Variants in ABCB8 observed in about 807,000 individuals in gnomAD.
ABCB8 encodes ATP binding cassette subfamily B member 8.
A neutral mutation model predicts 73.0 loss-of-function variants in ABCB8; 52 were observed. The observed-to-expected ratio is 0.71, with a 90% CI of 0.57 to 0.90. The LOEUF is 0.90. Ranked by LOEUF, ABCB8 falls within the 40% of genes least tolerant of loss-of-function variation. The probability of loss-of-function intolerance (pLI) is 0.00; values close to 1 mark genes in which losing one functional copy is unlikely to be tolerated. For synonymous variants in ABCB8, 428 were observed against 423.5 expected, an observed-to-expected ratio of 1.01 and a Z score of -0.13; for missense variants, 909 against 974.6, an observed-to-expected ratio of 0.93 and a Z score of 0.90.
At chr7:151,030,939 TGAAAAGAAAA>T (rs144027118) in intron 1 of ABCB8, among the ~76,000 whole-genome samples, 1 of 152,048 alleles carries the variant, frequency 6.6e-6, no homozygotes, top group African/African-American at 2.4e-5. Flanking sequence ...GACCCTGTCT[TGAAAAGAAAA>T]GAAAAGAATC....
chr7:151,036,646 A>C lies in ABCB8; in HGVS notation c.1214A>C (p.Gln405Pro). The C allele has an allele frequency of 6.2e-7, 1 of 1,605,900 alleles. No individual in the cohort carries two copies. The highest frequency in any genetic ancestry group is 1.1e-5 in the South Asian group (1 of 90,054). ...MSFLVASQTV[Q>P]RSMANLSVLF... is the part of the protein sequence containing the mutation. The stretch of plus-strand genomic sequence containing the variant: ...TTCCTGGTGGCCTCCCAGACAGTGC[A>C]AAGGTAAGTGGGGGCCGTTCCCATT... The change falls in exon 9 of 16, where the codon CAA becomes CCA. Residue 405 changes from glutamine (Q) to proline (P), a missense_variant. By Grantham distance (76) the Gln-to-Pro change is moderately conservative. Coordinates refer to ENST00000358849, the MANE Select transcript of ABCB8 (RefSeq NM_007188.5).
intron 5 of ABCB8, among the ~76,000 whole-genome samples, 168 bp from the exon 6 acceptor site, chr7:151,035,413 G>A (rs770216137): frequency 6.6e-6 from 1 of 152,206 alleles, no homozygotes; most frequent in Admixed American, 6.5e-5. Flanking sequence ...CCAACTGGCC[G>A]AGTTAGGGTT....
rs374301133 is a variant in ABCB8, at chr7:151,035,636, C to T, written c.821C>T (p.Ser274Leu). The T allele has an allele frequency of 8.1e-6, 13 of 1,610,658 alleles. No individual in the cohort carries two copies. Among genetic ancestry groups the T allele is most frequent in the South Asian group, 3.3e-5 (3 of 91,040 alleles). ...TGCCTGGTGTCCCTGTCCATGCTGT[C>T]GACACGCCTCACGCTGCTGCTGATG... ...AGCLVSLSMLSTRLTLLLMVA... is the reference protein window; with the variant it reads ...AGCLVSLSMLLTRLTLLLMVA... Residue 274 changes from serine to leucine, a missense_variant, in exon 6 of 16, where the codon TCG becomes TTG. Transcript: ENST00000358849.
In ABCB8 at chr7:151,031,403, GC is replaced by G. The variant is rs2117201735; in HGVS notation, c.96-2200del. 5 of 1,391,624 alleles carry G rather than the reference GC, an allele frequency of 3.6e-6. No individual in the cohort carries two copies. In the East Asian group the frequency reaches 1.3e-4, roughly 35 times the overall value. The allele number at this position is 1,391,624 out of a possible 1,614,324, so 86.2% of individuals were successfully genotyped here. ...GGCCTCATGTAGGCAAAAGGCACAG[GC>G]CTTCCTGAAAGCAGGGGAAGGATGA... On this transcript the variant is annotated intron_variant, in intron 1 of 15. Transcript: ENST00000358849.
intron 1 of ABCB8, 116 bp downstream of exon 1, chr7:151,028,726 A>T: frequency 6.5e-7 from 1 of 1,542,360 alleles, no homozygotes; most frequent in South Asian, 1.2e-5. Flanking sequence ...GCTGTAGGCC[A>T]GGCCTACCGG....
chr7:151,040,190 G>A (rs970750106), intron 9 of ABCB8, 78 bp from the exon 10 acceptor site: 19 of 1,539,214 alleles, frequency 1.2e-5, no homozygotes, highest in African/African-American at 7.0e-5. Flanking sequence ...TTGCTCCCCC[G>A]CCCCACCGTG....
At chr7:151,043,849 G>A (rs1796541391) in intron 14 of ABCB8, 122 bp from the exon 15 acceptor site, 7 of 1,385,944 alleles carry the variant, frequency 5.1e-6, no homozygotes, top group Non-Finnish European at 7.0e-6. Context: ...GGAGGAGGGT[G>A]CACAGTGCTG....
rs779818879 is a variant in ABCB8 at position 151,034,275 on chromosome 7, G to C, written c.411G>C (p.Leu137=). ...TGCCCTCTGTCTCCCCATTCCAGCT[G>C]GCCTTGGGTGCGGCACTCGTGAATG... ...HLLVLGVAVV[L]ALGAALVNVQ... Residue 137 remains leucine, a splice_region_variant and synonymous_variant, in exon 3 of 16, where the codon CTG becomes CTC. Transcript: ENST00000358849. 6.2e-7 allele frequency: 1 copy of C among 1,611,266 alleles called. No homozygotes were observed. Among genetic ancestry groups the C allele is most frequent in the African/African-American group, 1.3e-5 (1 of 74,860 alleles).
In ABCB8 at chr7:151,036,078, A is replaced by G. The variant is rs772235389; in HGVS notation, c.1019A>G (p.Tyr340Cys). Residue 340 changes from tyrosine to cysteine, a missense_variant, in exon 8 of 16, where the codon TAT (tyrosine) becomes TGT (cysteine). Tyr to Cys is a radical substitution (Grantham distance 194). Transcript: ENST00000358849. ...GCACTGGTCTCTCTCACCAGGCGCTATGGGGCAGAGCTGGAAGCCTGCCGC... is the reference window on the plus strand; with the variant it reads ...GCACTGGTCTCTCTCACCAGGCGCTGTGGGGCAGAGCTGGAAGCCTGCCGC... The part of the protein sequence containing the change: ...FAMEQREEER[Y>C]GAELEACRCR... 28 of 1,613,104 alleles carry G rather than the reference A, an allele frequency of 1.7e-5. No homozygotes were observed. The East Asian group carries it at 5.8e-4, about 33-fold the overall frequency.
chr7:151,042,827 TC>T (rs1227537788), intron 14 of ABCB8, among the ~76,000 whole-genome samples: 9 of 152,192 alleles, frequency 5.9e-5, no homozygotes, highest in Non-Finnish European at 1.0e-4. Context: ...GGGGCCAGTG[TC>T]CCCAGCCCAG....
intron 13 of ABCB8, 48 bp from the exon 14 acceptor site, chr7:151,041,913 A>T: frequency 6.3e-7 from 1 of 1,599,244 alleles, no homozygotes; most frequent in African/African-American, 1.3e-5. Flanking sequence ...TTTCTGGGGC[A>T]AAGAGAATGT....
chr7:151,040,450 G>T, intron 10 of ABCB8, 48 bp from the exon 11 acceptor site: 1 of 1,585,194 alleles, frequency 6.3e-7, no homozygotes, highest in Non-Finnish European at 8.6e-7. Flanking sequence ...AGATGCTGTT[G>T]TCACCCCTAC....
chr7:151,040,657 G>A (rs368301092), intron 11 of ABCB8, 23 bp downstream of exon 11: 108 of 1,606,870 alleles, frequency 6.7e-5, no homozygotes, highest in Non-Finnish European at 8.8e-5. Context: ...GAGCAGGCGT[G>A]GGGATGGGTC....
chr7:151,033,335 G>A, intron 1 of ABCB8: 5 of 1,159,906 alleles, frequency 4.3e-6, no homozygotes, highest in Non-Finnish European at 5.7e-6. Context: ...GAGGGCCCTG[G>A]CTGGCTGGGT....
chr7:151,040,582 G>T lies in ABCB8; in HGVS notation c.1336G>T (p.Val446Phe), dbSNP rs370506479. The T allele has an allele frequency of 6.2e-6, 10 of 1,613,300 alleles. No individual in the cohort carries two copies. The highest frequency in any genetic ancestry group is 7.6e-6 in the Non-Finnish European group (9 of 1,179,930). The change falls in exon 11 of 16, where the codon GTC becomes TTC. Residue 446 changes from valine to phenylalanine, a missense_variant. Coordinates refer to ENST00000358849, the MANE Select transcript of ABCB8 (RefSeq NM_007188.5). ...PCIPLSGGCC[V>F]PKEQLRGSVT... The stretch of plus-strand genomic sequence containing the variant: ...CATCCCACTGTCTGGGGGCTGCTGC[G>T]TCCCCAAAGAGCAGCTGCGTGGCTC...
intron 5 of ABCB8, 132 bp downstream of exon 5, chr7:151,034,961 G>C (rs1796263903): frequency 1.3e-6 from 1 of 750,660 alleles, no homozygotes; most frequent in Non-Finnish European, 2.2e-6. Context: ...CCCACTGCCT[G>C]TGAGGGCATG....
At position 151,036,533 on chromosome 7, in the gene ABCB8, C is replaced by G. The variant is rs768271724; in HGVS notation, c.1112-11C>G. 6.2e-6 allele frequency: 10 copies of G among 1,611,750 alleles called. No homozygotes were observed. The highest frequency in any genetic ancestry group is 7.6e-6 in the Non-Finnish European group (9 of 1,177,998). On this transcript the variant is annotated splice_polypyrimidine_tract_variant and intron_variant, in intron 8 of 15. Coordinates refer to ENST00000358849, the MANE Select transcript of ABCB8 (RefSeq NM_007188.5). ...CTGGCTTCGTCCTCCCTCACTTCCC[C>G]TCTCCTGCAGGCATGGTCTTGGGTA...
At chr7:151,028,652 C>T in intron 1 of ABCB8, 42 bp downstream of exon 1, 1 of 1,591,260 alleles carries the variant, frequency 6.3e-7, no homozygotes, top group East Asian at 2.3e-5. Flanking sequence ...CATTGACCGC[C>T]CGGCAGGGCA....
At chr7:151,041,028 A>G (rs1563301223) in intron 12 of ABCB8, 71 bp from the exon 13 acceptor site, 22 of 1,608,306 alleles carry the variant, frequency 1.4e-5, no homozygotes, top group Non-Finnish European at 1.6e-5. Flanking sequence ...CTCCACTGCC[A>G]CAAGGGGCCT....
Sources: gnomAD v4.1 joint callset for allele counts (sites outside exome capture counted in the v4.1 genomes callset) on GRCh38, gnomAD v4.1.1 for gene constraint, MANE v1.5 for transcripts, NCBI Gene and HGNC (gene_info 2026-07-23, HGNC 2026-07-21) for gene names.